The following DNAH12 variants were observed in gnomAD, a reference collection of about 807,000 sequenced individuals.
The protein encoded by DNAH12 is axonemal beta dynein heavy chain 12.
Under a neutral mutation model 371.5 loss-of-function variants are expected in DNAH12, and 285 were observed. That is an observed-to-expected ratio of 0.77 (90% CI 0.70 to 0.85). The LOEUF is 0.85. DNAH12 is among the 40% of genes least tolerant of loss of function. DNAH12 has a pLI of 0.00. For synonymous variants in DNAH12, 1,200 were observed against 1,213.0 expected (o/e 0.99, Z 0.22); for missense variants, 3,611 against 3,689.4 (o/e 0.98, Z 0.55).
At chr3:57,556,008 C>G in the DNAH12 span, among the ~76,000 whole-genome samples, 1 of 152,252 alleles carries the variant, frequency 6.6e-6, no homozygotes, top group Non-Finnish European at 1.5e-5. This position sits in a 1 kb window ranked among gnomAD's most constrained non-coding sequence, Gnocchi z 5.0. Context: ...TGTCCACCTC[C>G]TCCAACGAAG....
At position 57,406,991 on chromosome 3, in the gene DNAH12, T is replaced by A. The variant is rs60847261; in HGVS notation, c.6277-1039A>T. 3.3e-5 allele frequency among the ~76,000 whole-genome samples: 5 copies of A among 151,894 alleles called. No homozygotes were observed. The East Asian group carries it at 9.7e-4, about 29-fold the overall frequency. On this transcript the variant is annotated intron_variant, in intron 40 of 73. Transcript: ENST00000495027. ...TTGGCTCACTGCAACCTCCACCTCC[T>A]GGATTCAAGTGATTCTCCTGCCTCA...
At chr3:57,406,050 G>A in intron 40 of DNAH12, 98 bp from the exon 41 acceptor site, 1 of 1,301,272 alleles carries the variant, frequency 7.7e-7, no homozygotes, top group Non-Finnish European at 1.0e-6. Context: ...TATTTACTCT[G>A]TCAGATTATA....
rs571681589 is a variant in DNAH12 at position 57,347,788 on chromosome 3, TAAG to T, written c.9674+4294_9674+4296del. ...CCAAAGAAGATATATAGTTGGCAAA[TAAG>T]AATAGGAAAAGATGCTCAACATCAC... On this transcript the variant is annotated intron_variant, in intron 60 of 73. Coordinates refer to ENST00000495027, the MANE Select transcript of DNAH12 (RefSeq NM_001366028.2). 2.7e-4 allele frequency among the ~76,000 whole-genome samples: 39 copies of T among 144,596 alleles called. 1 individual carries two copies. In the South Asian group the frequency reaches 8.5e-3, roughly 32 times the overall value. The allele number at this position is 144,596 out of a possible 152,430, so 94.9% of individuals were successfully genotyped here. A position where few individuals can be genotyped will look rare whatever the true frequency, so the allele number is the denominator to read the frequency against.
At chr3:57,484,691 G>T (rs2066866415) in intron 12 of DNAH12, among the ~76,000 whole-genome samples, 1 of 151,914 alleles carries the variant, frequency 6.6e-6, no homozygotes, top group South Asian at 2.1e-4. Context: ...AAATAAATGG[G>T]ACCTAATTAA....
At chr3:57,324,748 C>G (rs1575451960) in intron 62 of DNAH12, among the ~76,000 whole-genome samples, 2 of 152,214 alleles carry the variant, frequency 1.3e-5, no homozygotes, top group Admixed American at 1.3e-4. Context: ...GCACCATGCA[C>G]AAGCCGAAGC....
chr3:57,376,305 T>C (rs2063280101), intron 53 of DNAH12, among the ~76,000 whole-genome samples: 1 of 152,058 alleles, frequency 6.6e-6, no homozygotes, highest in African/African-American at 2.4e-5. Flanking sequence ...GTGCTATTTG[T>C]TTTAGTATTT....
At position 57,363,616 on chromosome 3, in the gene DNAH12, T is replaced by C. The variant is rs1244432469; in HGVS notation, c.9338A>G (p.Asn3113Ser). The C allele has an allele frequency of 8.5e-5, 13 of 152,286 alleles. No individual in the cohort carries two copies. The highest frequency in any genetic ancestry group is 2.1e-4 in the South Asian group (1 of 4,832). 9.4% of individuals were successfully genotyped at this position (152,286 alleles called of 1,614,324 possible). A position where few individuals can be genotyped will look rare whatever the true frequency, so the allele number is the denominator to read the frequency against. ...KVLDSAKMMS[N>S]EITKKQQIAE... ...CACCTGCTGTTTCTTTGTTATTTCA[T>C]TGGACATCATTTTGGCAGAGTCTAA... Residue 3113 changes from asparagine (N) to serine (S), a missense_variant, in exon 58 of 74, where the codon AAT (asparagine) becomes AGT (serine). Physicochemically the swap from Asn to Ser is conservative, Grantham distance 46 (BLOSUM62 1). Coordinates refer to ENST00000495027, the MANE Select transcript of DNAH12 (RefSeq NM_001366028.2).
rs147483057 is a variant in DNAH12 at position 57,507,647 on chromosome 3, T to C, written c.893A>G (p.Asn298Ser). The C allele has an allele frequency of 7.7e-5, 123 of 1,593,902 alleles. No homozygotes were observed. The African/African-American group carries it at 1.4e-3, about 18-fold the overall frequency. The change falls in exon 8 of 74, where the codon AAT becomes AGT. Residue 298 changes from asparagine (N) to serine (S), a missense_variant. Transcript: ENST00000495027. Reference protein sequence around the residue: ...FYSCVSTLMSNQLKDLLRRTV... With the variant: ...FYSCVSTLMSSQLKDLLRRTV... Reference sequence around the variant, plus strand: ...ATATATATAAAGTGTATGTACCTGATTTGACATAAGTGTGGAAACACAGCT... The same window carrying C: ...ATATATATAAAGTGTATGTACCTGACTTGACATAAGTGTGGAAACACAGCT...
At chr3:57,379,875 A>G in intron 51 of DNAH12, among the ~76,000 whole-genome samples, 1 of 149,508 alleles carries the variant, frequency 6.7e-6, no homozygotes, top group Non-Finnish European at 1.5e-5. Flanking sequence ...AAAAAGACAT[A>G]AGTTGAGAGA....
At chr3:57,336,016 T>C (rs564184432) in intron 60 of DNAH12, among the ~76,000 whole-genome samples, 2 of 152,316 alleles carry the variant, frequency 1.3e-5, no homozygotes, top group South Asian at 4.1e-4. Context: ...CGAACTGCTC[T>C]GTCATCTAGC....
chr3:57,414,026 G>T, intron 38 of DNAH12, 114 bp from the exon 39 acceptor site: 2 of 999,036 alleles, frequency 2.0e-6, no homozygotes, highest in Non-Finnish European at 2.9e-6. Flanking sequence ...GAATCCATGG[G>T]ATTTTTACCA....
At chr3:57,489,783 C>G in intron 11 of DNAH12, 96 bp from the exon 12 acceptor site, 1 of 1,219,768 alleles carries the variant, frequency 8.2e-7, no homozygotes, top group Non-Finnish European at 1.1e-6. Context: ...TATATAAATA[C>G]AACTTTATTT....
chr3:57,415,213 A>C (rs558421986), intron 38 of DNAH12, among the ~76,000 whole-genome samples: 81 of 152,278 alleles, frequency 5.3e-4, no homozygotes, highest in Middle Eastern at 6.8e-3. Context: ...GCTTAAAAAA[A>C]AAACAGGTGA....
At chr3:57,358,082 A>G (rs2153325967) in intron 58 of DNAH12, among the ~76,000 whole-genome samples, 2 of 152,358 alleles carry the variant, frequency 1.3e-5, no homozygotes, top group South Asian at 4.2e-4. Context: ...TGCTATCCAC[A>G]GACTCTGATG....
intron 2 of DNAH12, among the ~76,000 whole-genome samples, chr3:57,532,238 C>T (rs1241682021): frequency 1.3e-5 from 2 of 152,124 alleles, no homozygotes; most frequent in South Asian, 4.1e-4. Context: ...GTTCGAAATT[C>T]TTTCTCTGTG....
intron 58 of DNAH12, among the ~76,000 whole-genome samples, chr3:57,359,072 C>A (rs1413831574): frequency 6.6e-6 from 1 of 152,194 alleles, no homozygotes; most frequent in East Asian, 1.9e-4. Flanking sequence ...GCATGAGCCA[C>A]TGCACCCGGC....
intron 45 of DNAH12, among the ~76,000 whole-genome samples, chr3:57,391,005 A>T (rs887476976): frequency 6.6e-6 from 1 of 152,184 alleles, no homozygotes; most frequent in East Asian, 1.9e-4. Context: ...AGCTATACCA[A>T]ACAATTTTCA....
chr3:57,535,835 C>A (rs539811697), intron 2 of DNAH12, among the ~76,000 whole-genome samples: 7 of 135,630 alleles, frequency 5.2e-5, no homozygotes, highest in African/African-American at 2.2e-4. Context: ...AGCCACCACA[C>A]CCCAATTTTT....
intron 4 of DNAH12, among the ~76,000 whole-genome samples, chr3:57,521,081 A>G (rs1337700062): frequency 7.9e-6 from 1 of 126,946 alleles, no homozygotes; most frequent in African/African-American, 5.0e-5. Context: ...AAAAAAAAAA[A>G]AAAAAAAAAA....
Sources: allele counts gnomAD v4.1 joint callset (sites outside exome capture counted in the v4.1 genomes callset), GRCh38; gene constraint gnomAD v4.1.1; non-coding constraint Gnocchi (gnomAD v3.1); transcripts MANE v1.5; gene names NCBI Gene and HGNC (gene_info 2026-07-23, HGNC 2026-07-21).